NRXN1: variants seen among roughly 807,000 people sequenced by gnomAD.
NRXN1 encodes the protein neurexin-1.
A neutral mutation model predicts 150.9 loss-of-function variants in NRXN1; 39 were observed. That is an observed-to-expected ratio of 0.26 (90% CI 0.20 to 0.34). The LOEUF is 0.34. Among genes scored for constraint, NRXN1 ranks in the 10% least tolerant of loss-of-function variants. The probability of loss-of-function intolerance (pLI) is 1.00; values close to 1 mark genes in which losing one functional copy is unlikely to be tolerated. For synonymous variants in NRXN1, 924 were observed against 757.0 expected, an observed-to-expected ratio of 1.22 and a Z score of -3.62; for missense variants, 1,815 against 1,949.9, an observed-to-expected ratio of 0.93 and a Z score of 1.30.
At chr2:50,769,568 G>A (rs974594692) in intron 5 of NRXN1, among the ~76,000 whole-genome samples, 3 of 152,042 alleles carry the variant, frequency 2.0e-5, no homozygotes, top group Admixed American at 2.0e-4. Flanking sequence ...TCTGCAGAAT[G>A]AGATTCTAGG....
chr2:50,575,328 T>G (rs749796192), intron 8 of NRXN1, among the ~76,000 whole-genome samples: 5 of 152,134 alleles, frequency 3.3e-5, no homozygotes, highest in Non-Finnish European at 7.4e-5. Flanking sequence ...TGAAATTCAG[T>G]TGTGGGCATA....
chr2:50,749,640 C>T (rs1700370872), intron 5 of NRXN1, among the ~76,000 whole-genome samples: 1 of 152,028 alleles, frequency 6.6e-6, no homozygotes, highest in African/African-American at 2.4e-5. Flanking sequence ...ATTTAGGAGG[C>T]ATCCAAAAAT....
At chr2:50,660,406 C>T (rs1687122479) in intron 5 of NRXN1, among the ~76,000 whole-genome samples, 1 of 152,028 alleles carries the variant, frequency 6.6e-6, no homozygotes, top group African/African-American at 2.4e-5. Flanking sequence ...AATTACTCTT[C>T]CTCTATCTCC....
intron 11 of NRXN1, among the ~76,000 whole-genome samples, chr2:50,529,359 G>A (rs1488109949): frequency 8.5e-5 from 13 of 152,146 alleles, no homozygotes; most frequent in Non-Finnish European, 1.6e-4. Flanking sequence ...TTATCTCTGT[G>A]TAATAAGTGT....
intron 17 of NRXN1, among the ~76,000 whole-genome samples, chr2:50,448,167 G>A (rs542343646): frequency 1.3e-5 from 2 of 152,012 alleles, no homozygotes; most frequent in South Asian, 2.1e-4. Flanking sequence ...GCAAAGCAGG[G>A]GTTAGTCAGA....
At chr2:50,638,195 C>A (rs4971688) in intron 5 of NRXN1, among the ~76,000 whole-genome samples, 3,024 of 152,196 alleles carry the variant, frequency 0.02, 91 homozygotes, top group East Asian at 0.11. Context: ...AAACTTTCTA[C>A]AAGAGTATAT....
intron 17 of NRXN1, among the ~76,000 whole-genome samples, chr2:50,409,448 C>T (rs1448789857): frequency 1.3e-5 from 2 of 152,152 alleles, no homozygotes; most frequent in Non-Finnish European, 2.9e-5. Flanking sequence ...AGGCAGTGCC[C>T]TAGGCAAAGA....
At chr2:50,832,878 T>C in intron 5 of NRXN1, among the ~76,000 whole-genome samples, 1 of 152,154 alleles carries the variant, frequency 6.6e-6, no homozygotes. Flanking sequence ...ACTATTTCTG[T>C]GAAAGGATAG....
chr2:50,456,096 A>G (rs1005363525), intron 17 of NRXN1, among the ~76,000 whole-genome samples: 2 of 152,194 alleles, frequency 1.3e-5, no homozygotes, highest in Non-Finnish European at 2.9e-5. Flanking sequence ...CATATGTTAT[A>G]TATTTATAAG....
At chr2:50,056,050 G>A (rs1359627170) in intron 19 of NRXN1, among the ~76,000 whole-genome samples, 1 of 152,042 alleles carries the variant, frequency 6.6e-6, no homozygotes, top group Non-Finnish European at 1.5e-5. Context: ...GTGTTGAGTT[G>A]TGTATAATGC....
rs867770343 is a variant in NRXN1 at position 50,268,254 on chromosome 2, A to G, written c.3365-31284T>C. 7.2e-5 allele frequency among the ~76,000 whole-genome samples: 11 copies of G among 152,318 alleles called. No individual in the cohort carries two copies. In the South Asian group the frequency reaches 1.5e-3, roughly 20 times the overall value. Reference sequence around the variant, plus strand: ...AACCTGAGCTGGCATTTGAAAGAAGAGTTGGGCTTGAATAAGAAAGAGAAG... The same window carrying G: ...AACCTGAGCTGGCATTTGAAAGAAGGGTTGGGCTTGAATAAGAAAGAGAAG... On this transcript the variant is annotated intron_variant, in intron 17 of 22. Transcript: ENST00000401669.
chr2:50,555,841 T>C (rs1017574781), intron 8 of NRXN1, among the ~76,000 whole-genome samples: 2 of 152,188 alleles, frequency 1.3e-5, no homozygotes, highest in African/African-American at 4.8e-5. Context: ...AATTGACAAG[T>C]TGGCCCATGC....
intron 5 of NRXN1, among the ~76,000 whole-genome samples, chr2:50,654,839 T>G (rs1227319143): frequency 6.6e-6 from 1 of 152,076 alleles, no homozygotes; most frequent in Non-Finnish European, 1.5e-5. Flanking sequence ...TTTTGAGAAG[T>G]GTCTGTTCAT....
intron 18 of NRXN1, among the ~76,000 whole-genome samples, chr2:50,209,593 TA>T (rs1335447833): frequency 1.3e-5 from 2 of 152,232 alleles, no homozygotes; most frequent in African/African-American, 4.8e-5. Flanking sequence ...CATAGGTACT[TA>T]AATAAAACAA....
chr2:50,935,172 A>G (rs2104429537), intron 2 of NRXN1, among the ~76,000 whole-genome samples: 1 of 152,282 alleles, frequency 6.6e-6, no homozygotes, highest in East Asian at 1.9e-4. Context: ...TATATAATGT[A>G]TTCTCTTATA....
rs1010673924 is a variant in NRXN1 at position 51,026,517 on chromosome 2, C to T, written c.772+985G>A. 15 of 1,272,472 alleles carry T rather than the reference C, an allele frequency of 1.2e-5. No individual in the cohort carries two copies. In the African/African-American group the frequency reaches 1.2e-4, roughly 10 times the overall value. The allele number at this position is 1,272,472 out of a possible 1,614,324, so 78.8% of individuals were successfully genotyped here. On this transcript the variant is annotated intron_variant, in intron 2 of 22. Coordinates refer to ENST00000401669, the MANE Select transcript of NRXN1 (RefSeq NM_001330078.2). ...TAGGTATGACTTTTGTAGTTTAATG[C>T]CACACTGTTTTAAGCCCCAAGAACC...
intron 2 of NRXN1, among the ~76,000 whole-genome samples, chr2:50,997,893 T>C (rs898403948): frequency 4.2e-5 from 6 of 141,606 alleles, no homozygotes; most frequent in South Asian, 2.2e-4. Flanking sequence ...TCCTTAAATA[T>C]AATGTGGATT....
At chr2:50,204,616 A>G (rs1247788248) in intron 18 of NRXN1, among the ~76,000 whole-genome samples, 1 of 152,072 alleles carries the variant, frequency 6.6e-6, no homozygotes, top group Non-Finnish European at 1.5e-5. Flanking sequence ...TGTGTTGTGT[A>G]TAAACTTTTC....
chr2:50,081,534 G>C (rs1004269426), intron 19 of NRXN1, among the ~76,000 whole-genome samples: 9 of 152,160 alleles, frequency 5.9e-5, no homozygotes, highest in Non-Finnish European at 1.0e-4. Flanking sequence ...CCCGGTGATA[G>C]AGCAAGACTC....
Sources: allele counts gnomAD v4.1 joint callset (sites outside exome capture counted in the v4.1 genomes callset), GRCh38; gene constraint gnomAD v4.1.1; transcripts MANE v1.5; gene names NCBI Gene and HGNC (gene_info 2026-07-23, HGNC 2026-07-21).